ZBBX: variants seen among roughly 807,000 people sequenced by gnomAD.
ZBBX encodes zinc finger B-box domain containing.
A neutral mutation model predicts 108.5 loss-of-function variants in ZBBX; 101 were observed. The observed-to-expected ratio is 0.93, with a 90% confidence interval of 0.79 to 1.10. The LOEUF (loss-of-function observed/expected upper bound fraction) is 1.10, where lower values mean the gene tolerates loss of function less well. ZBBX is among the 50% of genes least tolerant of loss of function. ZBBX has a pLI of 0.00. For missense variants in ZBBX, 1,009 were observed against 941.4 expected (o/e 1.07, Z -0.94); for synonymous variants, 356 against 323.4 (o/e 1.10, Z -1.08).
chr3:167,226,997 G>A, the ZBBX span, among the ~76,000 whole-genome samples: 1 of 151,750 alleles, frequency 6.6e-6, no homozygotes, highest in African/African-American at 2.4e-5. Context: ...GATATGAGTT[G>A]TATCTATCCA....
At chr3:167,181,770 A>G in the ZBBX span, among the ~76,000 whole-genome samples, 1 of 152,212 alleles carries the variant, frequency 6.6e-6, no homozygotes, top group Non-Finnish European at 1.5e-5. Context: ...ATCTGAATCA[A>G]TAACTCCTGT....
At chr3:167,188,281 T>C in the ZBBX span, among the ~76,000 whole-genome samples, 9 of 152,170 alleles carry the variant, frequency 5.9e-5, no homozygotes, top group African/African-American at 1.9e-4. Context: ...TCTGACCTTT[T>C]AGTAAAATCT....
downstream of ZBBX, among the ~76,000 whole-genome samples, chr3:167,238,376 C>T (rs1347049649): frequency 6.6e-6 from 1 of 151,934 alleles, no homozygotes; most frequent in Non-Finnish European, 1.5e-5. Context: ...ACATTTTATT[C>T]TGATAATATT....
At chr3:167,348,645 T>C (rs1273222096) in intron 9 of ZBBX, among the ~76,000 whole-genome samples, 1 of 152,036 alleles carries the variant, frequency 6.6e-6, no homozygotes, top group Non-Finnish European at 1.5e-5. Context: ...TCAATAAAGA[T>C]AGAAAGGGAG....
intron 1 of ZBBX, among the ~76,000 whole-genome samples, chr3:167,404,476 T>C (rs1165970746): frequency 2.6e-5 from 4 of 152,112 alleles, no homozygotes; most frequent in Non-Finnish European, 5.9e-5. Flanking sequence ...AAGAAGATTT[T>C]ATTTGGGTGA....
chr3:167,273,139 C>T (rs914380936), intron 20 of ZBBX, among the ~76,000 whole-genome samples: 2 of 152,198 alleles, frequency 1.3e-5, no homozygotes, highest in African/African-American at 4.8e-5. Flanking sequence ...TCTAATCAGA[C>T]TGCCATCTCT....
chr3:167,333,640 A>T (rs1413671750), intron 10 of ZBBX, among the ~76,000 whole-genome samples, 187 bp downstream of exon 10: 1 of 152,246 alleles, frequency 6.6e-6, no homozygotes, highest in Non-Finnish European at 1.5e-5. Context: ...GTTCAGTGGA[A>T]TCAAAGCAGG....
intron 19 of ZBBX, among the ~76,000 whole-genome samples, chr3:167,283,431 A>G: frequency 6.6e-6 from 1 of 152,322 alleles, no homozygotes; most frequent in East Asian, 1.9e-4. Context: ...ATTATATTAT[A>G]AGATAACTTT....
chr3:167,193,109 G>A, the ZBBX span, among the ~76,000 whole-genome samples: 1 of 152,084 alleles, frequency 6.6e-6, no homozygotes, highest in Non-Finnish European at 1.5e-5. Context: ...TTTGGCTTTT[G>A]TTGTCTAGGT....
the ZBBX span, among the ~76,000 whole-genome samples, chr3:167,187,438 T>G: frequency 1.3e-5 from 2 of 152,190 alleles, no homozygotes; most frequent in Non-Finnish European, 2.9e-5. Flanking sequence ...GATAATAGCG[T>G]GTGCATCAGA....
Position 167,365,956 on chromosome 3 carries a change from T to C in ZBBX, c.203A>G (p.Lys68Arg). ...GACCAATTTGCCCACTTTTCCAGAT[T>C]TCCAGTAATACTCGCTTGACCTTTA... ...EDRESSEYYW[K>R]SGKVGKLVNQ... Residue 68 changes from lysine (K) to arginine (R), a missense_variant, in exon 6 of 22, where the codon AAA (lysine) becomes AGA (arginine). Transcript: ENST00000675490. The C allele has an allele frequency of 6.2e-7, 1 of 1,607,892 alleles. No individual in the cohort carries two copies. The highest frequency in any genetic ancestry group is 1.1e-5 in the South Asian group (1 of 90,482).
rs181369114 is a variant in ZBBX at position 167,269,784 on chromosome 3, C to T, written c.2254+12454G>A. Among the ~76,000 whole-genome samples the T allele has an allele frequency of 5.3e-5, 8 of 152,268 alleles. No homozygotes were observed. In the East Asian group the frequency reaches 1.5e-3, roughly 29 times the overall value. On this transcript the variant is annotated intron_variant, in intron 20 of 21. Transcript: ENST00000675490. ...CAACCAAATAGTACCAACTATTCACCCTGTTGTCCCTAACCCTTACACTAT... is the reference window on the plus strand; with the variant it reads ...CAACCAAATAGTACCAACTATTCACTCTGTTGTCCCTAACCCTTACACTAT...
At chr3:167,330,862 G>GAAGAAGAAGAAGAAGAAGAAGAAGA (rs1560135987) in intron 10 of ZBBX, among the ~76,000 whole-genome samples, 4 of 13,560 alleles carry the variant, frequency 2.9e-4, no homozygotes, top group African/African-American at 1.2e-3. Context: ...GGAGGAGGAG[G>GAAGAAGAAGAAGAAGAAGAAGAAGA]AGGAGGAGGA....
chr3:167,192,451 T>C, the ZBBX span, among the ~76,000 whole-genome samples: 36 of 152,318 alleles, frequency 2.4e-4, no homozygotes, highest in Admixed American at 3.9e-4. Context: ...AACATCATTC[T>C]AATCCCTCCT....
chr3:167,248,413 T>C (rs1238688259), intron 20 of ZBBX, among the ~76,000 whole-genome samples: 1 of 152,120 alleles, frequency 6.6e-6, no homozygotes, highest in Non-Finnish European at 1.5e-5. Context: ...CCCCAGAATC[T>C]TCCCCCTTTT....
the ZBBX span, among the ~76,000 whole-genome samples, chr3:167,182,099 C>T: frequency 6.6e-6 from 1 of 152,150 alleles, no homozygotes; most frequent in Non-Finnish European, 1.5e-5. Flanking sequence ...CTTTTTCCCC[C>T]CAACTGGCAG....
chr3:167,308,117 G>GA (rs1239656906), intron 16 of ZBBX, among the ~76,000 whole-genome samples: 4 of 152,112 alleles, frequency 2.6e-5, no homozygotes, highest in African/African-American at 7.2e-5. Context: ...AAATTTGCAA[G>GA]AAAAAAGCAA....
chr3:167,217,253 A>G, the ZBBX span, among the ~76,000 whole-genome samples: 1 of 152,152 alleles, frequency 6.6e-6, no homozygotes, highest in Admixed American at 6.6e-5. Context: ...CAGCATCTAT[A>G]AGGAACTTAA....
At chr3:167,233,142 C>T in the ZBBX span, among the ~76,000 whole-genome samples, 2 of 151,808 alleles carry the variant, frequency 1.3e-5, no homozygotes, top group South Asian at 4.1e-4. Context: ...TAAGTCATAA[C>T]CCTGGGCCTG....
Sources: gnomAD v4.1 joint callset for allele counts (sites outside exome capture counted in the v4.1 genomes callset) on GRCh38, gnomAD v4.1.1 for gene constraint, MANE v1.5 for transcripts, NCBI Gene and HGNC (gene_info 2026-07-23, HGNC 2026-07-21) for gene names.